ANKRD18A: variants seen among roughly 807,000 people sequenced by gnomAD.
The protein encoded by ANKRD18A is ankyrin repeat domain 18A.
Under a neutral mutation model 110.6 loss-of-function variants are expected in ANKRD18A, and 72 were observed. That is an observed-to-expected ratio of 0.65 (90% confidence interval 0.54 to 0.79). ANKRD18A has a LOEUF of 0.79. ANKRD18A is among the 30% of genes least tolerant of loss of function. The pLI is 0.00. For missense variants in ANKRD18A, 934 were observed against 1,163.3 expected, an observed-to-expected ratio of 0.80 and a Z score of 2.87; for synonymous variants, 305 against 410.3, an observed-to-expected ratio of 0.74 and a Z score of 3.10.
In ANKRD18A at chr9:38,603,169, T is replaced by C; in HGVS notation, c.852A>G (p.Glu284=). ...ACTCAAGTGTCTTACCTTTTGCACG[T>C]TCTTTTCTTTTTTTCAAATTTGCAG... ...MKPANLKKRK[E]RAKAEHNLKV... The change falls in exon 7 of 16, where the codon GAA becomes GAG. Residue 284 remains glutamate (E), a synonymous_variant. Coordinates refer to ENST00000399703, the MANE Select transcript of ANKRD18A (RefSeq NM_147195.4). The C allele has an allele frequency of 9.7e-6, 15 of 1,551,078 alleles. No individual in the cohort carries two copies. The highest frequency in any genetic ancestry group is 1.3e-5 in the Non-Finnish European group (15 of 1,146,588).
intron 10 of ANKRD18A, among the ~76,000 whole-genome samples, chr9:38,589,343 T>C (rs1400395727): frequency 1.3e-5 from 2 of 152,286 alleles, no homozygotes; most frequent in African/African-American, 4.8e-5. Flanking sequence ...TGTTTTTATA[T>C]TGAAACTTGA....
chr9:38,616,022 C>T lies in ANKRD18A; in HGVS notation c.229G>A (p.Ala77Thr), dbSNP rs1235826556. ...GTGACCACTTGCACACGGCCATGGG[C>T]ACAGGCCAAATGTAGAACAGTCCTA... ...KDRTVLHLAC[A>T]HGRVQVVTLL... Residue 77 changes from alanine (A) to threonine (T), a missense_variant, in exon 2 of 16, where the codon GCC (alanine) becomes ACC (threonine). Ala to Thr is a moderately conservative substitution (Grantham distance 58). Around this residue, in one of 4 missense-constraint regions of ANKRD18A, gnomAD observed 630 missense variants for 797.5 expected, o/e 0.79. Coordinates refer to ENST00000399703, the MANE Select transcript of ANKRD18A (RefSeq NM_147195.4). 9 of 1,591,314 alleles carry T rather than the reference C, an allele frequency of 5.7e-6. No individual in the cohort carries two copies. In the South Asian group the frequency reaches 1.0e-4, roughly 18 times the overall value.
chr9:38,591,532 TTAGAAG>T, intron 10 of ANKRD18A, among the ~76,000 whole-genome samples: 1 of 152,258 alleles, frequency 6.6e-6, no homozygotes, highest in South Asian at 2.1e-4. Flanking sequence ...TTAGAAGCAC[TTAGAAG>T]AGTACATGTA....
chr9:38,569,029 T>A, downstream of ANKRD18A: 2 of 985,420 alleles, frequency 2.0e-6, no homozygotes, highest in Non-Finnish European at 2.4e-6. Context: ...AGGTGCCATC[T>A]GGGGCTGCAG....
rs368974889 is a variant in ANKRD18A, at chr9:38,617,463, A to T, written c.207-1419T>A. On this transcript the variant is annotated intron_variant, in intron 1 of 15. Coordinates refer to ENST00000399703, the MANE Select transcript of ANKRD18A (RefSeq NM_147195.4). Reference sequence around the variant, plus strand: ...GCAAAACGAAAAAACAAACAAACAAACAAAAAGAAACGTGAAGCTAAAGGA... The same window carrying T: ...GCAAAACGAAAAAACAAACAAACAATCAAAAAGAAACGTGAAGCTAAAGGA... 3.9e-5 allele frequency among the ~76,000 whole-genome samples: 6 copies of T among 152,190 alleles called. No homozygotes were observed. The East Asian group carries it at 9.7e-4, about 24-fold the overall frequency.
At chr9:38,600,696 A>G (rs1473005866) in intron 8 of ANKRD18A, among the ~76,000 whole-genome samples, 5 of 152,234 alleles carry the variant, frequency 3.3e-5, no homozygotes, top group Non-Finnish European at 5.9e-5. Context: ...AGAAGTCTTT[A>G]ACCTCAGCAC....
intron 6 of ANKRD18A, among the ~76,000 whole-genome samples, chr9:38,605,336 A>G (rs1158472455): frequency 6.6e-6 from 1 of 152,230 alleles, no homozygotes; most frequent in Non-Finnish European, 1.5e-5. Context: ...AAAAAACACA[A>G]AAATTAAATA....
downstream of ANKRD18A, among the ~76,000 whole-genome samples, chr9:38,570,518 C>G (rs540612654): frequency 2.3e-3 from 356 of 152,342 alleles, 1 homozygote; most frequent in African/African-American, 8.0e-3. Context: ...CTTCCAATGA[C>G]TAGGTCACAA....
intron 7 of ANKRD18A, among the ~76,000 whole-genome samples, chr9:38,601,643 T>G (rs1825120477): frequency 6.6e-6 from 1 of 152,230 alleles, no homozygotes; most frequent in East Asian, 1.9e-4. Context: ...CCCTGTTTTT[T>G]ACATCTGAAA....
chr9:38,605,762 C>T (rs1825324088), intron 6 of ANKRD18A, among the ~76,000 whole-genome samples: 1 of 152,020 alleles, frequency 6.6e-6, no homozygotes, highest in Non-Finnish European at 1.5e-5. Flanking sequence ...TACAGGTGCC[C>T]ACCCCCATGC....
At chr9:38,582,672 T>C (rs1824214268) in intron 12 of ANKRD18A, among the ~76,000 whole-genome samples, 1 of 152,252 alleles carries the variant, frequency 6.6e-6, no homozygotes. Flanking sequence ...GACTCTCACC[T>C]AATACCATAT....
At chr9:38,618,465 G>T (rs1249496171) in intron 1 of ANKRD18A, among the ~76,000 whole-genome samples, 1 of 151,988 alleles carries the variant, frequency 6.6e-6, no homozygotes, top group East Asian at 1.9e-4. Flanking sequence ...CCATTCTATG[G>T]GTTCTTGTTA....
At chr9:38,613,197 C>T (rs1037716021) in intron 3 of ANKRD18A, among the ~76,000 whole-genome samples, 12 of 150,920 alleles carry the variant, frequency 8.0e-5, no homozygotes, top group African/African-American at 2.7e-4. Flanking sequence ...GAATATGTGC[C>T]TCCTACCCAG....
intron 6 of ANKRD18A, among the ~76,000 whole-genome samples, chr9:38,606,222 G>A (rs1825348310): frequency 6.6e-6 from 1 of 152,110 alleles, no homozygotes; most frequent in Non-Finnish European, 1.5e-5. Flanking sequence ...AGGGATTGTT[G>A]AATTCCTAGT....
intron 1 of ANKRD18A, 37 bp downstream of exon 1, chr9:38,620,043 C>A (rs1470209318): frequency 6.5e-7 from 1 of 1,546,128 alleles, no homozygotes; most frequent in Middle Eastern, 2.2e-4. Context: ...GCCGGGCCTG[C>A]GGCCCCCTCC....
intron 12 of ANKRD18A, among the ~76,000 whole-genome samples, chr9:38,583,784 A>G (rs1432947729): frequency 1.3e-5 from 2 of 152,246 alleles, no homozygotes; most frequent in Non-Finnish European, 2.9e-5. Flanking sequence ...TATCCATACA[A>G]TGGAATATTT....
rs1387467794 is a variant in ANKRD18A, at chr9:38,602,594, T to A, written c.862+565A>T. Among the ~76,000 whole-genome samples, 5 of 152,196 alleles carry A rather than the reference T, an allele frequency of 3.3e-5. No homozygotes were observed. The South Asian group carries it at 6.2e-4, about 19-fold the overall frequency. On this transcript the variant is annotated intron_variant, in intron 7 of 15. Transcript: ENST00000399703. The stretch of plus-strand genomic sequence containing the variant: ...TATTATTGTCATTTCTTAAATTTTT[T>A]AAAAAAGCAAAACAAATTAGAAAAG...
At position 38,596,362 on chromosome 9, in the gene ANKRD18A, T is replaced by C. The variant is rs1323240669; in HGVS notation, c.978A>G (p.Gly326=). Residue 326 remains glycine, a synonymous_variant, in exon 9 of 16, where the codon GGA becomes GGG. Transcript: ENST00000399703. ...SYGKKKDAMY[G]NFMLKKDIAM... is the part of the protein sequence containing the mutation. Reference sequence around the variant, plus strand: ...CAATGTCTTTCTTCAACATAAAATTTCCATACATCGCATCCTTCTTTTTTC... The same window carrying C: ...CAATGTCTTTCTTCAACATAAAATTCCCATACATCGCATCCTTCTTTTTTC... 1.4e-6 allele frequency: 2 copies of C among 1,478,854 alleles called. No homozygotes were observed. Among genetic ancestry groups the C allele is most frequent in the African/African-American group, 2.9e-5 (2 of 69,918 alleles). 91.6% of individuals were successfully genotyped at this position (1,478,854 alleles called of 1,614,324 possible). A position where few individuals can be genotyped will look rare whatever the true frequency, so the allele number is the denominator to read the frequency against.
chr9:38,581,199 G>A (rs1242974832), intron 12 of ANKRD18A, among the ~76,000 whole-genome samples: 2 of 152,188 alleles, frequency 1.3e-5, no homozygotes, highest in East Asian at 3.8e-4. Flanking sequence ...TTAGGTAGCA[G>A]AAAAGAGTCT....
Sources: gnomAD v4.1 joint callset for allele counts (sites outside exome capture counted in the v4.1 genomes callset) on GRCh38, gnomAD v4.1.1 for gene constraint, gnomAD v4.1.1 regional missense constraint, MANE v1.5 for transcripts, NCBI Gene and HGNC (gene_info 2026-07-23, HGNC 2026-07-21) for gene names.